The following SERINC5 variants were observed in gnomAD, a reference collection of about 807,000 sequenced individuals.
The protein encoded by SERINC5 is serine incorporator 5, also known as chromosome 5 open reading frame 12.
Under a neutral mutation model 63.1 loss-of-function variants are expected in SERINC5, and 41 were observed. That is an observed-to-expected ratio of 0.65 (90% CI 0.51 to 0.84). The LOEUF (loss-of-function observed/expected upper bound fraction) is 0.84, where lower values mean the gene tolerates loss of function less well. Among genes scored for constraint, SERINC5 ranks in the 40% least tolerant of loss-of-function variants. The pLI is 0.00. For missense variants in SERINC5, 523 were observed against 573.0 expected (o/e 0.91, Z 0.89); for synonymous variants, 222 against 215.2 (o/e 1.03, Z -0.28).
chr5:80,182,317 T>C (rs145971313), intron 2 of SERINC5, among the ~76,000 whole-genome samples: 1 of 152,328 alleles, frequency 6.6e-6, no homozygotes, highest in East Asian at 1.9e-4. Context: ...TTCAAGCTCG[T>C]TATTCTGAGA....
intron 11 of SERINC5, among the ~76,000 whole-genome samples, chr5:80,125,799 C>T (rs1379103093): frequency 6.6e-6 from 1 of 152,112 alleles, no homozygotes; most frequent in Admixed American, 6.6e-5. Flanking sequence ...GAAACGTCAT[C>T]ACCTGGGTCA....
exon 12 of SERINC5, chr5:80,113,600 A>T: frequency 3.5e-6 from 1 of 285,666 alleles, no homozygotes; most frequent in Non-Finnish European, 7.1e-6. Flanking sequence ...AGGCCTCAGA[A>T]TCATGGCAGG....
At chr5:80,233,020 A>G (rs1053601115) in intron 1 of SERINC5, among the ~76,000 whole-genome samples, 1 of 152,192 alleles carries the variant, frequency 6.6e-6, no homozygotes, top group African/African-American at 2.4e-5. Context: ...GACAAAAACT[A>G]AGTTGTCATG....
At chr5:80,227,082 G>A (rs1751203604) in intron 1 of SERINC5, among the ~76,000 whole-genome samples, 1 of 151,992 alleles carries the variant, frequency 6.6e-6, no homozygotes, top group African/African-American at 2.4e-5. Flanking sequence ...TTTTTGTAGG[G>A]ACAAGGTTTC....
intron 11 of SERINC5, among the ~76,000 whole-genome samples, chr5:80,117,019 C>T (rs186573335): frequency 5.3e-5 from 8 of 151,802 alleles, no homozygotes; most frequent in Admixed American, 6.5e-5. Flanking sequence ...TTAGTAGAGA[C>T]GGGGTTTCGC....
chr5:80,235,030 A>G (rs1344769680), intron 1 of SERINC5, among the ~76,000 whole-genome samples: 2 of 152,178 alleles, frequency 1.3e-5, no homozygotes, highest in Non-Finnish European at 2.9e-5. Flanking sequence ...ACAGATTTCT[A>G]TAACTTTTTC....
chr5:80,137,115 G>A (rs1748861796), downstream of SERINC5, among the ~76,000 whole-genome samples: 2 of 141,900 alleles, frequency 1.4e-5, no homozygotes, highest in Non-Finnish European at 3.0e-5. Context: ...ACTCCAGCTG[G>A]GGTGGCAGAC....
intron 1 of SERINC5, among the ~76,000 whole-genome samples, chr5:80,225,379 T>C (rs1021920354): frequency 6.6e-6 from 1 of 152,230 alleles, no homozygotes; most frequent in African/African-American, 2.4e-5. Flanking sequence ...CCTAAGTCCA[T>C]TTGTTTGCAA....
intron 2 of SERINC5, among the ~76,000 whole-genome samples, chr5:80,199,387 A>C (rs1047243073): frequency 6.6e-6 from 1 of 152,246 alleles, no homozygotes; most frequent in Non-Finnish European, 1.5e-5. Context: ...AAATACAGGG[A>C]AAGTGCTCAG....
chr5:80,221,511 C>A (rs2112539292), intron 1 of SERINC5, among the ~76,000 whole-genome samples: 1 of 152,224 alleles, frequency 6.6e-6, no homozygotes, highest in Admixed American at 6.5e-5. Context: ...ATGGACACAT[C>A]CTTAGGAGAG....
chr5:80,195,335 A>C lies in SERINC5; in HGVS notation c.195+7551T>G, dbSNP rs1482437890. Among the ~76,000 whole-genome samples, 3 of 152,064 alleles carry C rather than the reference A, an allele frequency of 2.0e-5. No individual in the cohort carries two copies. The East Asian group carries it at 5.8e-4, about 29-fold the overall frequency. On this transcript the variant is annotated intron_variant, in intron 2 of 11. Coordinates refer to ENST00000507668, the MANE Select transcript of SERINC5 (RefSeq NM_001174072.3). The stretch of plus-strand genomic sequence containing the variant: ...AATGTATTCAAATTATATCCTAAGC[A>C]ATATATCAATGTAACAAAATTACAC...
At position 80,140,144 on chromosome 5, in the gene SERINC5, AC is replaced by A. The variant is rs1745414109; in HGVS notation, c.*3518del. 9.0e-6 allele frequency: 7 copies of A among 778,998 alleles called. No homozygotes were observed. Among genetic ancestry groups the A allele is most frequent in the Middle Eastern group, 6.4e-4 (1 of 1,552 alleles). The allele number at this position is 778,998 out of a possible 1,614,324, so 48.3% of individuals were successfully genotyped here. On this transcript the variant is annotated 3_prime_UTR_variant, in exon 12 of 12. Transcript: ENST00000507668. ...CAGGAGTTTGAGACCAGCCTGGACAACCCCATCTCTACAAAAAAATAAAAAT... is the reference window on the plus strand; with the variant it reads ...CAGGAGTTTGAGACCAGCCTGGACAACCCATCTCTACAAAAAAATAAAAAT...
rs2112473623 is a variant in SERINC5, at chr5:80,196,515, A to T, written c.195+6371T>A. On this transcript the variant is annotated intron_variant, in intron 2 of 11. Transcript: ENST00000507668. ...CTTAAAATTACTACACAATCCAGCA[A>T]TTCTGCTTCTAGATATAAACCCAAG... 1.3e-5 allele frequency among the ~76,000 whole-genome samples: 2 copies of T among 152,250 alleles called. 1 individual carries two copies. The highest frequency in any genetic ancestry group is 4.1e-4 in the South Asian group (2 of 4,824).
chr5:80,122,213 A>ATATATATATAT (rs1554057292), intron 11 of SERINC5, among the ~76,000 whole-genome samples: 13 of 107,342 alleles, frequency 1.2e-4, no homozygotes, highest in African/African-American at 3.0e-4. Flanking sequence ...ATATATATAT[A>ATATATATATAT]ATATGAGTTT....
intron 8 of SERINC5, among the ~76,000 whole-genome samples, chr5:80,155,870 G>A (rs946852403): frequency 3.3e-5 from 5 of 152,134 alleles, no homozygotes; most frequent in African/African-American, 9.7e-5. Flanking sequence ...ATGGAAGGAG[G>A]CTCTGGAGAG....
chr5:80,112,857 G>A (rs941100154), intron 12 of SERINC5, among the ~76,000 whole-genome samples: 36 of 152,230 alleles, frequency 2.4e-4, no homozygotes, highest in African/African-American at 2.6e-4. Context: ...ACAGGTGCTC[G>A]AGAGGCTGAG....
chr5:80,231,615 A>G (rs999669933), intron 1 of SERINC5, among the ~76,000 whole-genome samples: 1 of 151,764 alleles, frequency 6.6e-6, no homozygotes, highest in African/African-American at 2.4e-5. Context: ...TCCAACGTAC[A>G]GTCAAATTAA....
chr5:80,251,330 ACATACATG>A (rs1184396238), intron 1 of SERINC5, among the ~76,000 whole-genome samples: 1 of 130,152 alleles, frequency 7.7e-6, no homozygotes. Flanking sequence ...ATACATACAT[ACATACATG>A]GGTTTTCATT....
intron 11 of SERINC5, among the ~76,000 whole-genome samples, chr5:80,115,516 T>C (rs1482174313): frequency 1.3e-5 from 2 of 152,056 alleles, no homozygotes; most frequent in East Asian, 3.9e-4. Flanking sequence ...TTATTTGCTA[T>C]TTTCTGCTTC....
Sources: allele counts gnomAD v4.1 joint callset (sites outside exome capture counted in the v4.1 genomes callset), GRCh38; gene constraint gnomAD v4.1.1; transcripts MANE v1.5; gene names NCBI Gene and HGNC (gene_info 2026-07-23, HGNC 2026-07-21).